DCDC1: variants seen among roughly 807,000 people sequenced by gnomAD.
DCDC1 encodes the protein doublecortin domain containing 1.
Under a neutral mutation model 178.3 loss-of-function variants are expected in DCDC1, and 200 were observed. That is an observed-to-expected ratio of 1.12 (90% CI 1.00 to 1.26). DCDC1 has a LOEUF of 1.26. DCDC1 is among the 50% of genes most tolerant of loss of function. The pLI is 0.00. For synonymous variants in DCDC1, 690 were observed against 604.8 expected (o/e 1.14, Z -2.07); for missense variants, 1,983 against 1,749.2 (o/e 1.13, Z -2.38).
chr11:30,982,371 T>C (rs1053053914), intron 20 of DCDC1, among the ~76,000 whole-genome samples: 5 of 152,238 alleles, frequency 3.3e-5, no homozygotes, highest in African/African-American at 9.6e-5. Flanking sequence ...ATACAGTATC[T>C]ACCAAAACTT....
At chr11:31,082,591 A>G (rs955585770) in intron 17 of DCDC1, among the ~76,000 whole-genome samples, 1 of 114,042 alleles carries the variant, frequency 8.8e-6, no homozygotes, top group Non-Finnish European at 1.9e-5. Flanking sequence ...TATGATATAG[A>G]TATAGATATC....
chr11:31,136,027 T>C (rs959668607), intron 10 of DCDC1, among the ~76,000 whole-genome samples: 65 of 152,088 alleles, frequency 4.3e-4, no homozygotes, highest in Admixed American at 4.1e-3. Context: ...TAATCTGTCA[T>C]TCTTTTACAA....
intron 21 of DCDC1, among the ~76,000 whole-genome samples, chr11:30,939,293 G>A (rs1177756566): frequency 1.3e-5 from 2 of 152,126 alleles, no homozygotes; most frequent in East Asian, 3.9e-4. Flanking sequence ...AAATTGGTTG[G>A]GACACCTCTC....
At chr11:31,009,258 A>T (rs1357096547) in intron 20 of DCDC1, among the ~76,000 whole-genome samples, 1 of 152,230 alleles carries the variant, frequency 6.6e-6, no homozygotes, top group African/African-American at 2.4e-5. Context: ...TGAAGGTATA[A>T]TAGTTCATAT....
At chr11:31,174,965 C>T (rs1458850738) in intron 9 of DCDC1, among the ~76,000 whole-genome samples, 12 of 152,204 alleles carry the variant, frequency 7.9e-5, no homozygotes. Context: ...TGCCAAATGG[C>T]AGGGCTAAAA....
chr11:31,253,115 A>G (rs1208880555), intron 8 of DCDC1, among the ~76,000 whole-genome samples: 1 of 152,224 alleles, frequency 6.6e-6, no homozygotes, highest in African/African-American at 2.4e-5. Flanking sequence ...TCAGTGAATC[A>G]TTAAGCATGA....
At chr11:31,032,124 C>T (rs1953691620) in intron 20 of DCDC1, among the ~76,000 whole-genome samples, 1 of 152,050 alleles carries the variant, frequency 6.6e-6, no homozygotes, top group African/African-American at 2.4e-5. Context: ...TGAAATTTGG[C>T]TTGCTGAGTT....
chr11:30,922,233 A>C (rs1343854814), intron 24 of DCDC1, among the ~76,000 whole-genome samples: 1 of 152,198 alleles, frequency 6.6e-6, no homozygotes, highest in African/African-American at 2.4e-5. Flanking sequence ...ACAAAATGTA[A>C]ACATGATTAG....
At chr11:31,268,398 A>T (rs1210610296) in intron 7 of DCDC1, among the ~76,000 whole-genome samples, 1 of 152,178 alleles carries the variant, frequency 6.6e-6, no homozygotes, top group South Asian at 2.1e-4. Flanking sequence ...AGGAGTTCAC[A>T]GTGTCTGCTG....
At chr11:31,350,615 TAAACTGTG>T (rs1206597797) in intron 1 of DCDC1, among the ~76,000 whole-genome samples, 2 of 152,124 alleles carry the variant, frequency 1.3e-5, no homozygotes, top group Non-Finnish European at 2.9e-5. Context: ...ACTGTCAACA[TAAACTGTG>T]AAACTGTAGA....
At chr11:31,363,154 TTAAC>T (rs1344179018) in intron 1 of DCDC1, among the ~76,000 whole-genome samples, 1 of 152,142 alleles carries the variant, frequency 6.6e-6, no homozygotes, top group East Asian at 1.9e-4. Context: ...TAATTATATA[TTAAC>T]TATTTTGAAA....
intron 7 of DCDC1, among the ~76,000 whole-genome samples, chr11:31,288,951 G>A (rs917838600): frequency 2.6e-5 from 4 of 151,618 alleles, no homozygotes; most frequent in Non-Finnish European, 4.4e-5. Context: ...GTGATACTGA[G>A]GCAAATATTT....
intron 22 of DCDC1, among the ~76,000 whole-genome samples, chr11:30,928,152 C>T (rs952422498): frequency 6.6e-6 from 1 of 152,072 alleles, no homozygotes; most frequent in African/African-American, 2.4e-5. Context: ...TTAGTTATTT[C>T]AGAGCTGATT....
chr11:31,144,349 C>T (rs1964201525), intron 9 of DCDC1, among the ~76,000 whole-genome samples: 1 of 151,870 alleles, frequency 6.6e-6, no homozygotes, highest in Admixed American at 6.6e-5. Context: ...CACCATGTTG[C>T]TCAGGCATCA....
Position 30,916,907 on chromosome 11 carries a change from CT to C in DCDC1, c.3414del (p.Leu1140SerfsTer36). On this transcript the variant is annotated frameshift_variant, in exon 26 of 39. Coordinates refer to ENST00000684477, the MANE Select transcript of DCDC1 (RefSeq NM_001387274.1). LOFTEE classifies it high-confidence loss of function. The part of the protein sequence containing the change: ...EDDSLPKKTE[K>X]GLFENVEPQK... ...TGTGGTTCCACATTTTCAAAGAGCC[CT>C]TTTTCCGTTTTCTTTGGAAGACTGT... 1 of 1,608,332 alleles carries C rather than the reference CT, an allele frequency of 6.2e-7. No individual in the cohort carries two copies. The highest frequency in any genetic ancestry group is 8.5e-7 in the Non-Finnish European group (1 of 1,177,604).
chr11:31,245,872 T>C (rs1338851561), intron 8 of DCDC1, among the ~76,000 whole-genome samples: 2 of 151,902 alleles, frequency 1.3e-5, no homozygotes, highest in Non-Finnish European at 2.9e-5. Context: ...TTCAAGAGGA[T>C]CTTCTATTAA....
At chr11:31,183,079 C>T (rs1161071547) in intron 9 of DCDC1, among the ~76,000 whole-genome samples, 3 of 152,174 alleles carry the variant, frequency 2.0e-5, no homozygotes, top group Non-Finnish European at 4.4e-5. Context: ...GCACCCAATA[C>T]AGGAGCACCC....
chr11:31,242,759 C>G (rs540627946), intron 8 of DCDC1, among the ~76,000 whole-genome samples: 1 of 151,892 alleles, frequency 6.6e-6, no homozygotes, highest in Non-Finnish European at 1.5e-5. Context: ...TGCTGAGAGG[C>G]TGAGTTATGC....
At chr11:30,994,937 G>T (rs916515441) in intron 20 of DCDC1, among the ~76,000 whole-genome samples, 1 of 150,682 alleles carries the variant, frequency 6.6e-6, no homozygotes, top group South Asian at 2.1e-4. Context: ...ACTAAGGGGA[G>T]GAATAAAAAG....
Sources: gnomAD v4.1 joint callset for allele counts (sites outside exome capture counted in the v4.1 genomes callset) on GRCh38, gnomAD v4.1.1 for gene constraint, MANE v1.5 for transcripts, NCBI Gene and HGNC (gene_info 2026-07-23, HGNC 2026-07-21) for gene names.